USH2A: variants seen among roughly 807,000 people sequenced by gnomAD.
USH2A encodes Usher syndrome 2A (autosomal recessive, mild).
In USH2A, 443 loss-of-function variants were observed where a neutral mutation model predicts 538.9. The ratio of observed to expected loss-of-function variants is 0.82; its 90% CI spans 0.76 to 0.89. The LOEUF is 0.89. USH2A is among the 40% of genes least tolerant of loss of function. The probability of loss-of-function intolerance (pLI) is 0.00; values close to 1 mark genes in which losing one functional copy is unlikely to be tolerated. For missense variants in USH2A, 6,633 were observed against 6,324.8 expected (o/e 1.05, Z -1.65); for synonymous variants, 2,413 against 2,273.5 (o/e 1.06, Z -1.75).
intron 37 of USH2A, among the ~76,000 whole-genome samples, chr1:215,963,240 T>C (rs1667244824): frequency 6.6e-6 from 1 of 152,132 alleles, no homozygotes; most frequent in Admixed American, 6.6e-5. Flanking sequence ...TGTAGAGCCA[T>C]GCAGACCTCC....
intron 20 of USH2A, among the ~76,000 whole-genome samples, chr1:216,188,420 C>T (rs1201009402): frequency 1.3e-5 from 2 of 151,516 alleles, no homozygotes; most frequent in East Asian, 3.9e-4. Flanking sequence ...ATACTAATAA[C>T]AGCTCTAGAC....
In USH2A at chr1:216,236,355, A is replaced by G. The variant is rs904334668; in HGVS notation, c.2810-4219T>C. Among the ~76,000 whole-genome samples the G allele has an allele frequency of 3.9e-5, 6 of 152,126 alleles. No individual in the cohort carries two copies. The East Asian group carries it at 1.2e-3, about 29-fold the overall frequency. On this transcript the variant is annotated intron_variant, in intron 13 of 71. Coordinates refer to ENST00000307340, the MANE Select transcript of USH2A (RefSeq NM_206933.4). ...ATTTCCTTCACTTTACTACTTCTCT[A>G]TATTGTATATTTCTAATATGGCTCT...
intron 3 of USH2A, among the ~76,000 whole-genome samples, chr1:216,377,484 A>G (rs1269538360): frequency 6.6e-6 from 1 of 152,178 alleles, no homozygotes; most frequent in Non-Finnish European, 1.5e-5. Flanking sequence ...CTTCACAATC[A>G]CACAGATAAG....
intron 13 of USH2A, among the ~76,000 whole-genome samples, chr1:216,238,866 C>A (rs1008040124): frequency 2.0e-5 from 3 of 152,128 alleles, no homozygotes; most frequent in Admixed American, 6.6e-5. Context: ...CCTACCCCAT[C>A]CTTCTCCCTC....
At chr1:215,789,031 G>A (rs142187538) in intron 51 of USH2A, among the ~76,000 whole-genome samples, 2 of 152,278 alleles carry the variant, frequency 1.3e-5, no homozygotes, top group East Asian at 3.9e-4. Flanking sequence ...GGCCAGCTAT[G>A]TAAAAATCCC....
intron 64 of USH2A, among the ~76,000 whole-genome samples, chr1:215,656,324 A>C (rs761371005): frequency 1.5e-4 from 23 of 151,946 alleles, no homozygotes; most frequent in Non-Finnish European, 3.2e-4. Flanking sequence ...CATAAGAAAA[A>C]CCCCTAAATT....
chr1:216,360,779 A>G (rs1162910731), intron 4 of USH2A, among the ~76,000 whole-genome samples: 1 of 152,112 alleles, frequency 6.6e-6, no homozygotes, highest in Non-Finnish European at 1.5e-5. Flanking sequence ...AGACCTCTAT[A>G]CAGACAACTA....
At chr1:215,643,964 C>T (rs749487454) in intron 67 of USH2A, among the ~76,000 whole-genome samples, 1 of 152,342 alleles carries the variant, frequency 6.6e-6, no homozygotes, top group Non-Finnish European at 1.5e-5. Flanking sequence ...TGTTCTCTGG[C>T]TTTCTGGCCA....
intron 11 of USH2A, among the ~76,000 whole-genome samples, chr1:216,281,531 C>A (rs1285382282): frequency 3.9e-5 from 6 of 152,108 alleles, no homozygotes; most frequent in Admixed American, 6.6e-5. Flanking sequence ...GAGACTTGAG[C>A]ACATTTTGTA....
chr1:215,957,395 TTAA>T (rs1205355632), intron 37 of USH2A, among the ~76,000 whole-genome samples: 2 of 152,152 alleles, frequency 1.3e-5, no homozygotes, highest in Non-Finnish European at 2.9e-5. Flanking sequence ...AATTGTGTGG[TTAA>T]TAATGATGTA....
Position 216,020,283 on chromosome 1 carries a change from A to G in USH2A, c.6326-19721T>C, listed in dbSNP as rs116407081. On this transcript the variant is annotated intron_variant, in intron 32 of 71. Transcript: ENST00000307340. ...CAAACACCAATCTAAATGTTGCTAT[A>G]AAGTTATTATTTAGATGTGATTAAC... Among the ~76,000 whole-genome samples the G allele has an allele frequency of 1.4e-3, 218 of 152,300 alleles. 1 individual carries two copies. Among genetic ancestry groups the G allele is most frequent in the African/African-American group, 5.1e-3 (214 of 41,566 alleles).
At chr1:216,008,949 TTC>T (rs1369560948) in intron 32 of USH2A, among the ~76,000 whole-genome samples, 1 of 151,438 alleles carries the variant, frequency 6.6e-6, no homozygotes, top group African/African-American at 2.4e-5. Flanking sequence ...TTCTCTGCCT[TTC>T]TGGGGGGCAA....
chr1:216,274,648 C>T (rs961742921), intron 11 of USH2A, among the ~76,000 whole-genome samples: 5 of 152,058 alleles, frequency 3.3e-5, no homozygotes, highest in African/African-American at 1.2e-4. Context: ...TTGGAGAATG[C>T]CAGGTGAATA....
At chr1:215,752,753 G>T (rs1660660567) in intron 58 of USH2A, among the ~76,000 whole-genome samples, 1 of 152,172 alleles carries the variant, frequency 6.6e-6, no homozygotes, top group Admixed American at 6.6e-5. Flanking sequence ...TTTTAGACAT[G>T]AAGTCCTTGC....
chr1:215,855,665 T>C (rs1664144452), intron 44 of USH2A, among the ~76,000 whole-genome samples: 1 of 152,118 alleles, frequency 6.6e-6, no homozygotes, highest in Non-Finnish European at 1.5e-5. Flanking sequence ...ACCATCATTC[T>C]TCACAGAACT....
chr1:215,977,236 C>T (rs1451915051), intron 35 of USH2A, among the ~76,000 whole-genome samples: 1 of 151,956 alleles, frequency 6.6e-6, no homozygotes, highest in Non-Finnish European at 1.5e-5. Flanking sequence ...TTGCTAGCTT[C>T]GAGTTTAGTT....
At chr1:215,640,415 C>G in intron 68 of USH2A, 143 bp downstream of exon 68, 2 of 1,026,436 alleles carry the variant, frequency 1.9e-6, no homozygotes, top group Non-Finnish European at 1.5e-6. Flanking sequence ...TTATCCTGAG[C>G]AGTAACTTTT....
chr1:216,212,919 C>T (rs1185938387), intron 15 of USH2A, among the ~76,000 whole-genome samples: 1 of 152,004 alleles, frequency 6.6e-6, no homozygotes, highest in African/African-American at 2.4e-5. Flanking sequence ...TCTATCTTAG[C>T]ATCCTAATAG....
intron 70 of USH2A, among the ~76,000 whole-genome samples, chr1:215,629,773 C>CTTTTTTTTTTTTTTTTTTT (rs34349385): frequency 2.4e-5 from 3 of 125,048 alleles, no homozygotes; most frequent in Admixed American, 8.0e-5. Flanking sequence ...CTTTTCTTTT[C>CTTTTTTTTTTTTTTTTTTT]TTTTTTTTTT....
Sources: allele counts gnomAD v4.1 joint callset (sites outside exome capture counted in the v4.1 genomes callset), GRCh38; gene constraint gnomAD v4.1.1; transcripts MANE v1.5; gene names NCBI Gene and HGNC (gene_info 2026-07-23, HGNC 2026-07-21).